The following ZNF678 variants were observed in gnomAD, a reference collection of about 807,000 sequenced individuals.
ZNF678 encodes zinc finger protein 678, also known as hypothetical protein MGC42493.
In ZNF678, 5 loss-of-function variants were observed where a neutral mutation model predicts 3.0. The ratio of observed to expected loss-of-function variants is 1.69; its 90% confidence interval spans 0.88 to 3.56. ZNF678 has a LOEUF of 3.56. ZNF678 is among the 30% of genes most tolerant of loss of function. The probability of loss-of-function intolerance (pLI) is 0.00; values close to 1 mark genes in which losing one functional copy is unlikely to be tolerated. For missense variants in ZNF678, 593 were observed against 605.0 expected, an observed-to-expected ratio of 0.98 and a Z score of 0.21; for synonymous variants, 218 against 199.6, an observed-to-expected ratio of 1.09 and a Z score of -0.78.
At chr1:227,592,768 C>T (rs1005724055) in intron 1 of ZNF678, among the ~76,000 whole-genome samples, 20 of 152,308 alleles carry the variant, frequency 1.3e-4, no homozygotes, top group South Asian at 6.2e-4. Flanking sequence ...TCTTGCTTTA[C>T]GATGTCTTAT....
chr1:227,584,454 A>G (rs1397264161), intron 1 of ZNF678, among the ~76,000 whole-genome samples: 3 of 152,100 alleles, frequency 2.0e-5, no homozygotes, highest in Admixed American at 6.5e-5. Context: ...GAAAAAAACT[A>G]CAGCTAGGTA....
At chr1:227,607,863 T>C (rs1350864994) in intron 1 of ZNF678, among the ~76,000 whole-genome samples, 1 of 149,910 alleles carries the variant, frequency 6.7e-6, no homozygotes, top group Non-Finnish European at 1.5e-5. Flanking sequence ...ATTCAGAAAA[T>C]AAATTGGCAC....
chr1:227,610,382 G>C (rs1397062620), intron 1 of ZNF678, among the ~76,000 whole-genome samples: 1 of 152,164 alleles, frequency 6.6e-6, no homozygotes, highest in Non-Finnish European at 1.5e-5. Context: ...TACTTGTTTT[G>C]ATTACTATAG....
chr1:227,630,978 A>ACT (rs1184321945), intron 1 of ZNF678, among the ~76,000 whole-genome samples: 7 of 133,606 alleles, frequency 5.2e-5, no homozygotes, highest in Admixed American at 4.6e-4. Flanking sequence ...TACAATTTAT[A>ACT]CTTCCCTCAG....
At chr1:227,586,082 A>G (rs2102733056) in intron 1 of ZNF678, among the ~76,000 whole-genome samples, 1 of 152,328 alleles carries the variant, frequency 6.6e-6, no homozygotes, top group South Asian at 2.1e-4. Flanking sequence ...CAGATAACTC[A>G]GGAGGCTGAG....
intron 2 of ZNF678, 60 bp downstream of exon 2, chr1:227,646,730 C>T: frequency 7.6e-7 from 1 of 1,318,668 alleles, no homozygotes; most frequent in South Asian, 1.2e-5. Flanking sequence ...ATATTTTTCA[C>T]TCCTGAAATG....
At chr1:227,629,126 T>A (rs1658489321) in intron 1 of ZNF678, among the ~76,000 whole-genome samples, 1 of 152,192 alleles carries the variant, frequency 6.6e-6, no homozygotes, top group Non-Finnish European at 1.5e-5. Flanking sequence ...TTGCATGGTT[T>A]TACTAGGCCT....
At chr1:227,620,719 ATATT>A (rs1658260626) in intron 1 of ZNF678, among the ~76,000 whole-genome samples, 2 of 152,340 alleles carry the variant, frequency 1.3e-5, no homozygotes, top group African/African-American at 4.8e-5. Context: ...TTCAAAAATA[ATATT>A]TATTAATGAT....
intron 1 of ZNF678, among the ~76,000 whole-genome samples, chr1:227,574,946 TG>T (rs1656950718): frequency 6.4e-5 from 6 of 93,192 alleles, no homozygotes; most frequent in African/African-American, 3.2e-4. Context: ...TGGGGTTTTT[TG>T]TTGTTGTTGT....
chr1:227,611,956 G>A (rs1658032270), intron 1 of ZNF678, among the ~76,000 whole-genome samples: 1 of 152,208 alleles, frequency 6.6e-6, no homozygotes. Context: ...CAGGCCTGGA[G>A]TTTCAGGTGT....
At chr1:227,575,987 A>G (rs935409652) in intron 1 of ZNF678, among the ~76,000 whole-genome samples, 4 of 152,208 alleles carry the variant, frequency 2.6e-5, no homozygotes, top group Admixed American at 1.3e-4. Context: ...CCTTTTCTGC[A>G]TCTATTGAGA....
At chr1:227,601,194 A>T (rs907511013) in intron 1 of ZNF678, among the ~76,000 whole-genome samples, 1 of 152,138 alleles carries the variant, frequency 6.6e-6, no homozygotes, top group Non-Finnish European at 1.5e-5. Context: ...AGGTAGTGTG[A>T]TACTTCCAGC....
rs1275657049 is a variant in ZNF678 at position 227,660,906 on chromosome 1, C to A, written c.*5078C>A. 6.6e-6 allele frequency: 1 copy of A among 152,116 alleles called. No individual in the cohort carries two copies. The highest frequency in any genetic ancestry group is 2.4e-5 in the African/African-American group (1 of 41,420). The allele number at this position is 152,116 out of a possible 1,614,324, so 9.4% of individuals were successfully genotyped here. Reference sequence around the variant, plus strand: ...TATGTAATTTGTTTTGAGATTTTGTCATAAAGTAATGTTGAATTTTCTAAA... The same window carrying A: ...TATGTAATTTGTTTTGAGATTTTGTAATAAAGTAATGTTGAATTTTCTAAA... On this transcript the variant is annotated 3_prime_UTR_variant, in exon 4 of 4. Coordinates refer to ENST00000343776, the MANE Select transcript of ZNF678 (RefSeq NM_001367909.1).
chr1:227,607,106 A>G (rs965055265), intron 1 of ZNF678, among the ~76,000 whole-genome samples: 23 of 152,330 alleles, frequency 1.5e-4, no homozygotes, highest in Non-Finnish European at 2.4e-4. Flanking sequence ...GAGATACTCT[A>G]TACATGATGA....
chr1:227,636,821 G>T (rs1251058532), intron 1 of ZNF678, among the ~76,000 whole-genome samples: 1 of 152,132 alleles, frequency 6.6e-6, no homozygotes, highest in African/African-American at 2.4e-5. Context: ...CAGTGTAGGG[G>T]CCTGTCCATT....
intron 1 of ZNF678, among the ~76,000 whole-genome samples, chr1:227,626,553 T>C (rs1432806066): frequency 6.6e-6 from 1 of 152,154 alleles, no homozygotes; most frequent in African/African-American, 2.4e-5. Context: ...TGCAACTAAG[T>C]TGGCCATCTC....
At chr1:227,600,056 C>G (rs1200436883) in intron 1 of ZNF678, among the ~76,000 whole-genome samples, 2 of 152,042 alleles carry the variant, frequency 1.3e-5, no homozygotes, top group Admixed American at 6.6e-5. Context: ...TAGGGAAATG[C>G]AATATTTGGT....
At chr1:227,584,223 C>T (rs1282280054) in intron 1 of ZNF678, among the ~76,000 whole-genome samples, 1 of 152,160 alleles carries the variant, frequency 6.6e-6, no homozygotes, top group African/African-American at 2.4e-5. Flanking sequence ...CTAAAGCAGT[C>T]AACAGCTCAC....
chr1:227,627,938 G>C (rs1345794742), intron 1 of ZNF678, among the ~76,000 whole-genome samples: 2 of 152,220 alleles, frequency 1.3e-5, no homozygotes, highest in Non-Finnish European at 2.9e-5. Context: ...TGACAGTTAT[G>C]TTCTATCTTT....
Sources: allele counts gnomAD v4.1 joint callset (sites outside exome capture counted in the v4.1 genomes callset), GRCh38; gene constraint gnomAD v4.1.1; transcripts MANE v1.5; gene names NCBI Gene and HGNC (gene_info 2026-07-23, HGNC 2026-07-21).